Variants in ST6GALNAC3 observed in about 807,000 individuals in gnomAD.
ST6GALNAC3 encodes ST6 N-acetylgalactosaminide alpha-2,6-sialyltransferase 3, also known as alpha-N-acetylgalactosaminide alpha-2,6-sialyltransferase 3.
A neutral mutation model predicts 32.7 loss-of-function variants in ST6GALNAC3; 25 were observed. The observed-to-expected ratio is 0.76, with a 90% CI of 0.56 to 1.07. The LOEUF is 1.07. ST6GALNAC3 is among the 50% of genes least tolerant of loss of function. The pLI is 0.00. For missense variants in ST6GALNAC3, 355 were observed against 382.4 expected (o/e 0.93, Z 0.60); for synonymous variants, 129 against 133.1 (o/e 0.97, Z 0.21).
chr1:76,613,706 CT>C (rs1429761884), intron 3 of ST6GALNAC3, among the ~76,000 whole-genome samples: 1 of 152,242 alleles, frequency 6.6e-6, no homozygotes, highest in East Asian at 1.9e-4. Context: ...TCTTCCTTTT[CT>C]CTCTTCTTCC....
intron 2 of ST6GALNAC3, among the ~76,000 whole-genome samples, chr1:76,353,197 G>A (rs577543263): frequency 3.2e-4 from 48 of 152,184 alleles, no homozygotes; most frequent in Middle Eastern, 6.8e-3. Flanking sequence ...CAGCCACCCT[G>A]GCCTTCTATT....
intron 1 of ST6GALNAC3, among the ~76,000 whole-genome samples, chr1:76,134,813 C>T (rs933780919): frequency 1.3e-5 from 2 of 152,184 alleles, no homozygotes; most frequent in African/African-American, 2.4e-5. Flanking sequence ...AAGTAACTAC[C>T]TGTTACTAAA....
At chr1:76,238,704 G>A (rs1025509531) in intron 1 of ST6GALNAC3, among the ~76,000 whole-genome samples, 2 of 152,102 alleles carry the variant, frequency 1.3e-5, no homozygotes, top group African/African-American at 2.4e-5. Context: ...CGAGGAAATT[G>A]GACTTCAATT....
chr1:76,253,587 C>T (rs568634016), intron 1 of ST6GALNAC3, among the ~76,000 whole-genome samples: 27 of 152,236 alleles, frequency 1.8e-4, no homozygotes, highest in South Asian at 8.3e-4. Context: ...TATTCAGTCA[C>T]GTAGATCATT....
intron 1 of ST6GALNAC3, among the ~76,000 whole-genome samples, chr1:76,220,735 A>G (rs1655716747): frequency 1.3e-5 from 2 of 152,168 alleles, no homozygotes; most frequent in African/African-American, 4.8e-5. Flanking sequence ...GGGGCTTTGG[A>G]CTAGGGAATA....
At chr1:76,474,950 C>A (rs1334264111) in intron 3 of ST6GALNAC3, among the ~76,000 whole-genome samples, 1 of 152,138 alleles carries the variant, frequency 6.6e-6, no homozygotes, top group Non-Finnish European at 1.5e-5. Context: ...CTTTAAATAG[C>A]ACCAAATGAA....
chr1:76,557,350 G>A (rs1343106909), intron 3 of ST6GALNAC3, among the ~76,000 whole-genome samples: 1 of 151,892 alleles, frequency 6.6e-6, no homozygotes, highest in Non-Finnish European at 1.5e-5. Flanking sequence ...ATTGCTTCTG[G>A]CTATGCTGGG....
chr1:76,386,748 T>C (rs1652124674), intron 2 of ST6GALNAC3, among the ~76,000 whole-genome samples: 1 of 152,142 alleles, frequency 6.6e-6, no homozygotes, highest in African/African-American at 2.4e-5. Flanking sequence ...TACCTGCTTA[T>C]CTCCTGATAA....
intron 3 of ST6GALNAC3, among the ~76,000 whole-genome samples, chr1:76,515,784 A>G (rs148509281): frequency 4.6e-5 from 7 of 151,954 alleles, no homozygotes; most frequent in African/African-American, 1.7e-4. Context: ...ACTTGATATG[A>G]TCTCTATGTT....
intron 3 of ST6GALNAC3, among the ~76,000 whole-genome samples, chr1:76,513,201 C>G (rs1661974661): frequency 6.6e-6 from 1 of 151,762 alleles, no homozygotes; most frequent in African/African-American, 2.4e-5. Context: ...TTTTAAAATC[C>G]CTGCCATGCC....
chr1:76,093,912 G>GTGGGT (rs1243351583), intron 1 of ST6GALNAC3, among the ~76,000 whole-genome samples: 1 of 152,252 alleles, frequency 6.6e-6, no homozygotes, highest in Admixed American at 6.5e-5. Flanking sequence ...AGCTGCTGCT[G>GTGGGT]TGGGTTACCT....
intron 1 of ST6GALNAC3, among the ~76,000 whole-genome samples, chr1:76,100,000 ATTG>A (rs752984235): frequency 5.3e-5 from 8 of 152,080 alleles, no homozygotes; most frequent in East Asian, 1.9e-4. Context: ...ATTTTGAGGT[ATTG>A]TTAAGTATTT....
intron 1 of ST6GALNAC3, among the ~76,000 whole-genome samples, chr1:76,198,539 A>G (rs1411532484): frequency 6.6e-6 from 1 of 152,234 alleles, no homozygotes; most frequent in African/African-American, 2.4e-5. Context: ...GAATGGAGAC[A>G]ACTATGTACA....
At chr1:76,155,187 A>G (rs1485176795) in intron 1 of ST6GALNAC3, among the ~76,000 whole-genome samples, 1 of 152,136 alleles carries the variant, frequency 6.6e-6, no homozygotes, top group African/African-American at 2.4e-5. Flanking sequence ...GGTGACCAGC[A>G]CAGTGACAGT....
intron 3 of ST6GALNAC3, among the ~76,000 whole-genome samples, chr1:76,594,571 T>C (rs571547304): frequency 6.6e-6 from 1 of 152,240 alleles, no homozygotes; most frequent in Admixed American, 6.5e-5. Context: ...TAAATAACAA[T>C]AGATAAATAG....
At chr1:76,608,378 A>G (rs543657904) in intron 3 of ST6GALNAC3, among the ~76,000 whole-genome samples, 1 of 152,316 alleles carries the variant, frequency 6.6e-6, no homozygotes, top group South Asian at 2.1e-4. Flanking sequence ...AACACTCATG[A>G]AATTTGCAGT....
intron 2 of ST6GALNAC3, among the ~76,000 whole-genome samples, chr1:76,345,089 T>C (rs576131464): frequency 3.9e-5 from 6 of 152,272 alleles, no homozygotes; most frequent in African/African-American, 1.4e-4. Context: ...CCCTAGCTGA[T>C]TGCCTCTTTG....
At chr1:76,534,276 C>T (rs1009329257) in intron 3 of ST6GALNAC3, among the ~76,000 whole-genome samples, 8 of 152,128 alleles carry the variant, frequency 5.3e-5, no homozygotes, top group African/African-American at 1.9e-4. Context: ...CTCCTGACTT[C>T]AAGTGATCCA....
At position 76,345,346 on chromosome 1, in the gene ST6GALNAC3, G is replaced by A. The variant is rs77567381; in HGVS notation, c.213+31347G>A. Reference sequence around the variant, plus strand: ...GAAAAGAGAAATCAAGGCTGCAGAAGAGAAGACAGAGGCACAGGGAGAGCA... The same window carrying A: ...GAAAAGAGAAATCAAGGCTGCAGAAAAGAAGACAGAGGCACAGGGAGAGCA... On this transcript the variant is annotated intron_variant, in intron 2 of 4. Coordinates refer to ENST00000328299, the MANE Select transcript of ST6GALNAC3 (RefSeq NM_152996.4). Among the ~76,000 whole-genome samples the A allele has an allele frequency of 5.3e-4, 80 of 152,234 alleles. 1 individual carries two copies. In the East Asian group the frequency reaches 0.012, roughly 23 times the overall value.
Sources: gnomAD v4.1 joint callset for allele counts (sites outside exome capture counted in the v4.1 genomes callset) on GRCh38, gnomAD v4.1.1 for gene constraint, MANE v1.5 for transcripts, NCBI Gene and HGNC (gene_info 2026-07-23, HGNC 2026-07-21) for gene names.